The following DNAI7 variants were observed in gnomAD, a reference collection of about 807,000 sequenced individuals.
DNAI7 encodes cancer susceptibility 1.
A neutral mutation model predicts 86.6 loss-of-function variants in DNAI7; 78 were observed. The ratio of observed to expected loss-of-function variants is 0.90; its 90% CI spans 0.75 to 1.09. The LOEUF (loss-of-function observed/expected upper bound fraction) is 1.09, where lower values mean the gene tolerates loss of function less well. DNAI7 is among the 50% of genes least tolerant of loss of function. The pLI, the probability that DNAI7 is intolerant of heterozygous loss-of-function variation, is 0.00. For synonymous variants in DNAI7, 274 were observed against 273.0 expected, an observed-to-expected ratio of 1.00 and a Z score of -0.04; for missense variants, 753 against 810.2, an observed-to-expected ratio of 0.93 and a Z score of 0.86.
intron 4 of DNAI7, 78 bp from the exon 5 acceptor site, chr12:25,155,490 G>A (rs766585977): frequency 8.0e-5 from 53 of 662,470 alleles, no homozygotes; most frequent in Non-Finnish European, 1.1e-4. Context: ...TAAAACTGAC[G>A]TGGCTAAATA....
intron 1 of DNAI7, 57 bp from the exon 2 acceptor site, chr12:25,190,688 G>C: frequency 9.9e-7 from 1 of 1,013,716 alleles, no homozygotes. Context: ...TGATACAAAA[G>C]TATCATGATT....
At chr12:25,158,643 C>A in intron 3 of DNAI7, 80 bp from the exon 4 acceptor site, 1 of 1,518,456 alleles carries the variant, frequency 6.6e-7, no homozygotes, top group Non-Finnish European at 8.8e-7. Flanking sequence ...CTAATATTTT[C>A]AAGATGTAGT....
In DNAI7 at chr12:25,190,951, CAG is replaced by C. The variant is rs373721255; in HGVS notation, c.4-322_4-321del. On this transcript the variant is annotated intron_variant, in intron 1 of 15. Coordinates refer to ENST00000395987, the MANE Select transcript of DNAI7 (RefSeq NM_018272.5). ...TTTAATGAAATGCCCTGTTACTAAA[CAG>C]AGTACTAGTCAAGAAGGCACTAGTT... is the stretch of plus-strand genomic sequence containing the variant. Among the ~76,000 whole-genome samples, 837 of 152,246 alleles carry C rather than the reference CAG, an allele frequency of 5.5e-3. 4 individuals carry two copies. The highest frequency in any genetic ancestry group is 9.3e-3 in the Admixed American group (142 of 15,298).
At chr12:25,138,203 C>T (rs1439034305) in intron 9 of DNAI7, among the ~76,000 whole-genome samples, 1 of 152,136 alleles carries the variant, frequency 6.6e-6, no homozygotes, top group Admixed American at 6.5e-5. Context: ...GTGGCTCATA[C>T]CTGTAATCCC....
At chr12:25,125,284 A>G (rs1239455298) in intron 9 of DNAI7, among the ~76,000 whole-genome samples, 3 of 152,002 alleles carry the variant, frequency 2.0e-5, no homozygotes, top group Admixed American at 1.3e-4. Context: ...AGCAACTTTT[A>G]TTTTTTGACT....
At chr12:25,147,146 C>A (rs1025343323) in intron 7 of DNAI7, 42 bp from the exon 8 acceptor site, 3 of 960,776 alleles carry the variant, frequency 3.1e-6, no homozygotes, top group Non-Finnish European at 5.0e-6. Flanking sequence ...CCACAGGCCT[C>A]ATAAATTATA....
intron 11 of DNAI7, among the ~76,000 whole-genome samples, chr12:25,121,249 G>C (rs1941248942): frequency 6.6e-6 from 1 of 152,168 alleles, no homozygotes; most frequent in South Asian, 2.1e-4. Context: ...CACTGATTTA[G>C]ACTGGAGTCC....
At chr12:25,153,407 C>T (rs770627704) in intron 6 of DNAI7, among the ~76,000 whole-genome samples, 9 of 151,948 alleles carry the variant, frequency 5.9e-5, no homozygotes, top group Non-Finnish European at 1.2e-4. Context: ...GGTGACAGAG[C>T]GAGATGCCGT....
chr12:25,186,256 T>C (rs941952857), intron 2 of DNAI7, among the ~76,000 whole-genome samples: 1 of 152,330 alleles, frequency 6.6e-6, no homozygotes, highest in African/African-American at 2.4e-5. Context: ...ATGAACAATA[T>C]TAATTTAAAT....
At chr12:25,110,672 G>C (rs1949759136) in intron 14 of DNAI7, among the ~76,000 whole-genome samples, 1 of 152,148 alleles carries the variant, frequency 6.6e-6, no homozygotes, top group African/African-American at 2.4e-5. Flanking sequence ...TCACTCAAGT[G>C]TTATCTCTCA....
chr12:25,146,599 C>A (rs369880401), intron 8 of DNAI7, among the ~76,000 whole-genome samples: 294 of 140,282 alleles, frequency 2.1e-3, no homozygotes, highest in East Asian at 3.0e-3. Context: ...GACTGTGTCT[C>A]AAAAAAAAAA....
At chr12:25,140,486 T>C (rs1191044893) in intron 9 of DNAI7, among the ~76,000 whole-genome samples, 1 of 151,926 alleles carries the variant, frequency 6.6e-6, no homozygotes, top group Non-Finnish European at 1.5e-5. Flanking sequence ...AATAAAATAC[T>C]TAGGAATACA....
intron 12 of DNAI7, among the ~76,000 whole-genome samples, chr12:25,116,910 A>G (rs969783786): frequency 6.6e-5 from 10 of 152,194 alleles, no homozygotes; most frequent in African/African-American, 2.2e-4. Context: ...ATAGTTTAAT[A>G]TGTAAGAATT....
Position 25,147,212 on chromosome 12 carries a change from TAA to T in DNAI7, c.586-110_586-109del, listed in dbSNP as rs1944967526. On this transcript the variant is annotated intron_variant, in intron 7 of 15. Coordinates refer to ENST00000395987, the MANE Select transcript of DNAI7 (RefSeq NM_018272.5). ...TGTTGGATTCCCTTTATTAATCACCTAAGAGAGTAACTTGGGTAAAAATAAGG... is the reference window on the plus strand; with the variant it reads ...TGTTGGATTCCCTTTATTAATCACCTGAGAGTAACTTGGGTAAAAATAAGG... 3 of 600,566 alleles carry T rather than the reference TAA, an allele frequency of 5.0e-6. No individual in the cohort carries two copies. In the South Asian group the frequency reaches 6.9e-5, roughly 14 times the overall value. The allele number at this position is 600,566 out of a possible 1,614,324, so 37.2% of individuals were successfully genotyped here. A position where few individuals can be genotyped will look rare whatever the true frequency, so the allele number is the denominator to read the frequency against.
chr12:25,146,398 A>G (rs1251425310), intron 8 of DNAI7, among the ~76,000 whole-genome samples: 1 of 152,036 alleles, frequency 6.6e-6, no homozygotes, highest in Non-Finnish European at 1.5e-5. Context: ...GGAGTTTGAA[A>G]CTAACCTGAC....
chr12:25,126,139 G>A (rs539251342), intron 9 of DNAI7, among the ~76,000 whole-genome samples: 9 of 152,302 alleles, frequency 5.9e-5, no homozygotes, highest in African/African-American at 2.2e-4. Context: ...GTGAGTGAAA[G>A]TGAAAGGCAT....
intron 10 of DNAI7, among the ~76,000 whole-genome samples, chr12:25,122,633 G>T (rs1941495114): frequency 6.6e-6 from 1 of 152,146 alleles, no homozygotes; most frequent in South Asian, 2.1e-4. Flanking sequence ...TGACAAATTA[G>T]ACATCGCTAT....
At chr12:25,138,509 C>T (rs1426399011) in intron 9 of DNAI7, among the ~76,000 whole-genome samples, 1 of 152,084 alleles carries the variant, frequency 6.6e-6, no homozygotes, top group East Asian at 1.9e-4. Context: ...TCAGTATTCT[C>T]TCAGACCACA....
chr12:25,108,085 T>A, downstream of DNAI7: 1 of 1,601,754 alleles, frequency 6.2e-7, no homozygotes, highest in Non-Finnish European at 8.5e-7. Flanking sequence ...AATATATGGA[T>A]CTTGATTTTT....
Sources: gnomAD v4.1 joint callset for allele counts (sites outside exome capture counted in the v4.1 genomes callset) on GRCh38, gnomAD v4.1.1 for gene constraint, MANE v1.5 for transcripts, NCBI Gene and HGNC (gene_info 2026-07-23, HGNC 2026-07-21) for gene names.